DYNC2I2: variants seen among roughly 807,000 people sequenced by gnomAD.
DYNC2I2 encodes the protein cytoplasmic dynein 2 intermediate chain 2.
In DYNC2I2, 39 loss-of-function variants were observed where a neutral mutation model predicts 52.0. The observed-to-expected ratio is 0.75, with a 90% CI of 0.58 to 0.98. DYNC2I2 has a LOEUF of 0.98. Among genes scored for constraint, DYNC2I2 ranks in the 50% least tolerant of loss-of-function variants. The pLI, the probability that DYNC2I2 is intolerant of heterozygous loss-of-function variation, is 0.00. For missense variants in DYNC2I2, 743 were observed against 728.4 expected (o/e 1.02, Z -0.23); for synonymous variants, 359 against 321.1 (o/e 1.12, Z -1.26).
At chr9:128,643,342 T>C (rs1185726302) in intron 1 of DYNC2I2, among the ~76,000 whole-genome samples, 2 of 152,026 alleles carry the variant, frequency 1.3e-5, no homozygotes, top group Admixed American at 1.3e-4. Flanking sequence ...CTGGCCAAGA[T>C]GGTGAAACCC....
chr9:128,672,756 G>A, the DYNC2I2 span, among the ~76,000 whole-genome samples: 4 of 152,136 alleles, frequency 2.6e-5, no homozygotes, highest in African/African-American at 9.7e-5. Flanking sequence ...GGCCGGGCGC[G>A]GTGGCTCACG....
chr9:128,683,955 T>C, the DYNC2I2 span: 7 of 1,557,646 alleles, frequency 4.5e-6, no homozygotes, highest in African/African-American at 1.4e-5. Context: ...GACCACCTCC[T>C]GCTCTGGGAC....
intron 1 of DYNC2I2, among the ~76,000 whole-genome samples, chr9:128,654,438 G>GCCTTT (rs764899472): frequency 3.9e-5 from 6 of 152,022 alleles, no homozygotes; most frequent in Non-Finnish European, 8.8e-5. Context: ...CACCTGACCT[G>GCCTTT]CCTTTCCTTT....
intron 2 of DYNC2I2, 33 bp downstream of exon 2, chr9:128,640,658 C>T: frequency 1.3e-6 from 2 of 1,596,796 alleles, no homozygotes; most frequent in Non-Finnish European, 1.7e-6. Context: ...GGGGCAGGGG[C>T]TCGACCCGAG....
At chr9:128,642,310 G>C (rs1032576992) in intron 1 of DYNC2I2, among the ~76,000 whole-genome samples, 4 of 125,020 alleles carry the variant, frequency 3.2e-5, no homozygotes, top group Non-Finnish European at 6.8e-5. Flanking sequence ...AAAAAAATTA[G>C]CCGGGTGTGG....
chr9:128,647,211 G>C (rs959749036), intron 1 of DYNC2I2, among the ~76,000 whole-genome samples: 1 of 152,200 alleles, frequency 6.6e-6, no homozygotes, highest in Non-Finnish European at 1.5e-5. Context: ...TACTCTTTGT[G>C]CTCCGGGATA....
chr9:128,641,888 G>A (rs1049010599), intron 1 of DYNC2I2, among the ~76,000 whole-genome samples: 1 of 151,878 alleles, frequency 6.6e-6, no homozygotes, highest in African/African-American at 2.4e-5. Context: ...TGAACCGCCA[G>A]CCCCCCAGCA....
At chr9:128,680,060 CTCTTT>C in the DYNC2I2 span, among the ~76,000 whole-genome samples, 234 of 151,634 alleles carry the variant, frequency 1.5e-3, 1 homozygote, top group African/African-American at 5.0e-3. Flanking sequence ...TTATTTCTTT[CTCTTT>C]TCTTTTTTTT....
chr9:128,645,062 CCAATTAG>C (rs1208224284), intron 1 of DYNC2I2, among the ~76,000 whole-genome samples: 1 of 152,028 alleles, frequency 6.6e-6, no homozygotes, highest in Non-Finnish European at 1.5e-5. Flanking sequence ...TGAAAGTAAG[CCAATTAG>C]GCCAGGCGCA....
chr9:128,668,230 A>C, the DYNC2I2 span, among the ~76,000 whole-genome samples: 1 of 135,364 alleles, frequency 7.4e-6, no homozygotes, highest in Admixed American at 7.6e-5. Context: ...AAGTGCTGGG[A>C]TTACAGGCGT....
intron 2 of DYNC2I2, among the ~76,000 whole-genome samples, chr9:128,637,426 T>G (rs984698094): frequency 6.6e-6 from 1 of 152,178 alleles, no homozygotes; most frequent in Non-Finnish European, 1.5e-5. Context: ...TGATTTTTTG[T>G]TGTTTGTGGT....
intron 2 of DYNC2I2, among the ~76,000 whole-genome samples, chr9:128,639,323 G>A (rs146095807): frequency 0.01 from 1,562 of 152,076 alleles, 32 homozygotes; most frequent in African/African-American, 0.035. Flanking sequence ...GCTTGGACCC[G>A]GGAGGCAGAG....
chr9:128,633,689 GT>G lies in DYNC2I2; in HGVS notation c.*54del. On this transcript the variant is annotated 3_prime_UTR_variant, in exon 9 of 9. Transcript: ENST00000372715. ...CTTTGCTTTTCTTCATTTGGCTTGC[GT>G]CAGAAACACAAGGCTCGGCACAGCG... is the stretch of plus-strand genomic sequence containing the variant. 6.4e-7 allele frequency: 1 copy of G among 1,552,374 alleles called. No individual in the cohort carries two copies. The highest frequency in any genetic ancestry group is 2.3e-5 in the East Asian group (1 of 44,302).
upstream of DYNC2I2, among the ~76,000 whole-genome samples, chr9:128,660,502 G>A (rs1275322030): frequency 1.3e-5 from 2 of 151,720 alleles, no homozygotes; most frequent in Admixed American, 6.6e-5. Context: ...GCTGCCTCCC[G>A]GGTTCAAGCG....
At chr9:128,634,627 G>C in intron 7 of DYNC2I2, 62 bp downstream of exon 7, 1 of 1,450,180 alleles carries the variant, frequency 6.9e-7, no homozygotes, top group Non-Finnish European at 9.2e-7. Context: ...GGCTTGGCAG[G>C]CTAGAGACCC....
At chr9:128,654,810 G>C (rs1860784738) in intron 1 of DYNC2I2, among the ~76,000 whole-genome samples, 1 of 152,134 alleles carries the variant, frequency 6.6e-6, no homozygotes, top group South Asian at 2.1e-4. Flanking sequence ...TTGCTAAAAT[G>C]TCACCCTCAC....
upstream of DYNC2I2, among the ~76,000 whole-genome samples, chr9:128,660,088 A>T (rs925017771): frequency 4.6e-5 from 7 of 150,948 alleles, no homozygotes; most frequent in African/African-American, 1.7e-4. Flanking sequence ...AAACCCTCAA[A>T]ACTCATTATT....
chr9:128,643,890 G>T (rs1191583516), intron 1 of DYNC2I2, among the ~76,000 whole-genome samples: 1 of 152,180 alleles, frequency 6.6e-6, no homozygotes, highest in Non-Finnish European at 1.5e-5. Flanking sequence ...ATTCCCGGGG[G>T]AGGTCACAAA....
At chr9:128,640,626 GA>G in intron 2 of DYNC2I2, 64 bp downstream of exon 2, 1 of 1,562,200 alleles carries the variant, frequency 6.4e-7, no homozygotes, top group Admixed American at 1.8e-5. Context: ...TTGTGGGAAG[GA>G]AAACAAGAGG....
Sources: allele counts gnomAD v4.1 joint callset (sites outside exome capture counted in the v4.1 genomes callset), GRCh38; gene constraint gnomAD v4.1.1; transcripts MANE v1.5; gene names NCBI Gene and HGNC (gene_info 2026-07-23, HGNC 2026-07-21).